The following EVPL variants were observed in gnomAD, a reference collection of about 807,000 sequenced individuals.
The protein encoded by EVPL is envoplakin.
A neutral mutation model predicts 129.7 loss-of-function variants in EVPL; 94 were observed. The ratio of observed to expected loss-of-function variants is 0.72; its 90% CI spans 0.61 to 0.86. The LOEUF is 0.86. Ranked by LOEUF, EVPL falls within the 40% of genes least tolerant of loss-of-function variation. EVPL has a pLI of 0.00. For synonymous variants in EVPL, 1,172 were observed against 1,191.1 expected (o/e 0.98, Z 0.33); for missense variants, 2,625 against 2,721.1 (o/e 0.96, Z 0.79).
In EVPL at chr17:76,023,403, G is replaced by T; in HGVS notation, c.369C>A (p.His123Gln). 6.2e-7 allele frequency: 1 copy of T among 1,613,752 alleles called. No individual in the cohort carries two copies. The highest frequency in any genetic ancestry group is 8.5e-7 in the Non-Finnish European group (1 of 1,179,980). ...CCGCACACTCCTGGGTCACCCGCTC[G>T]TGCAGCTGCTTGATGCTGTCAAGAA... The part of the protein sequence containing the change: ...EEIEKDIKQL[H>Q]ERVTQECAEY... Residue 123 changes from histidine (H) to glutamine (Q), a missense_variant, in exon 4 of 22, where the codon CAC becomes CAA. His to Gln is a conservative substitution (Grantham distance 24). Coordinates refer to ENST00000301607, the MANE Select transcript of EVPL (RefSeq NM_001988.4).
chr17:76,024,658 C>T lies in EVPL; in HGVS notation c.99-538G>A, dbSNP rs1443837459. Reference sequence around the variant, plus strand: ...CTTCAGTAGCCATCTAGAGGAGCCTCACACTGTCGGAGCCGGGGAGGTGGG... The same window carrying T: ...CTTCAGTAGCCATCTAGAGGAGCCTTACACTGTCGGAGCCGGGGAGGTGGG... On this transcript the variant is annotated intron_variant, in intron 1 of 21. Transcript: ENST00000301607. This position sits in a 1 kb window ranked among gnomAD's most constrained non-coding sequence, Gnocchi z 4.5. Among the ~76,000 whole-genome samples the T allele has an allele frequency of 6.6e-6, 1 of 152,132 alleles. No individual in the cohort carries two copies. Among genetic ancestry groups the T allele is most frequent in the Non-Finnish European group, 1.5e-5 (1 of 68,012 alleles).
In EVPL at chr17:76,013,812, G is replaced by A. The variant is rs1312341718; in HGVS notation, c.2373+614C>T. 6.6e-6 allele frequency among the ~76,000 whole-genome samples: 1 copy of A among 152,076 alleles called. No homozygotes were observed. Among genetic ancestry groups the A allele is most frequent in the Non-Finnish European group, 1.5e-5 (1 of 68,010 alleles). On this transcript the variant is annotated intron_variant, in intron 18 of 21. Coordinates refer to ENST00000301607, the MANE Select transcript of EVPL (RefSeq NM_001988.4). The surrounding 1 kb of genome is among the most constrained non-coding windows in gnomAD (Gnocchi z 4.3). ...CAGCCAGAGCCAGCTTCTAAACACT[G>A]GCCTGGAAGCATCCCCTCCCCAGCA... is the stretch of plus-strand genomic sequence containing the variant.
At chr17:76,019,179 C>T in intron 10 of EVPL, 119 bp from the exon 11 acceptor site, 1 of 1,148,246 alleles carries the variant, frequency 8.7e-7, no homozygotes, top group South Asian at 1.9e-5. Context: ...GTCTCTAAGT[C>T]AGCAAAGTAA....
At chr17:76,016,316 G>A (rs2066418820) in intron 14 of EVPL, among the ~76,000 whole-genome samples, 2 of 152,190 alleles carry the variant, frequency 1.3e-5, no homozygotes, top group African/African-American at 2.4e-5. Flanking sequence ...CCAAAGCCCT[G>A]GCTCTGCCCA....
In EVPL at chr17:76,021,931, C is replaced by T. The variant is rs1225213871; in HGVS notation, c.743G>A (p.Arg248His). The change falls in exon 7 of 22, where the codon CGC becomes CAC. Residue 248 changes from arginine (R) to histidine (H), a missense_variant. Physicochemically the swap from Arg to His is conservative, Grantham distance 29 (BLOSUM62 0). Transcript: ENST00000301607. ...GTCGCTCCAGTCCTGCTGCAGGATG[C>T]GGCGCTGCTGCTCAGCCAGGGCGCT... ...QLSALAEQQRRILQQDWSDLM... is the reference protein window; with the variant it reads ...QLSALAEQQRHILQQDWSDLM... The T allele has an allele frequency of 3.2e-6, 5 of 1,557,398 alleles. No homozygotes were observed. Among genetic ancestry groups the T allele is most frequent in the East Asian group, 4.8e-5 (2 of 42,072 alleles).
At position 76,015,361 on chromosome 17, in the gene EVPL, T is replaced by C. The variant is rs1567911792; in HGVS notation, c.1894A>G (p.Lys632Glu). Residue 632 changes from lysine (K) to glutamate (E), a missense_variant, in exon 16 of 22, where the codon AAG becomes GAG. Coordinates refer to ENST00000301607, the MANE Select transcript of EVPL (RefSeq NM_001988.4). ...TGCCGCTCCAGATCCAGGGCAGCCTTGGCTCTGCCGCAGAGGAGGCAAGGC... is the reference window on the plus strand; with the variant it reads ...TGCCGCTCCAGATCCAGGGCAGCCTCGGCTCTGCCGCAGAGGAGGCAAGGC... ...VLCSLYGEKA[K>E]AALDLERQIQ... is the part of the protein sequence containing the mutation. The C allele has an allele frequency of 1.9e-6, 3 of 1,604,034 alleles. No homozygotes were observed. The highest frequency in any genetic ancestry group is 1.7e-5 in the Admixed American group (1 of 59,554).
Position 76,009,446 on chromosome 17 carries a change from C to G in EVPL, c.3759G>C (p.Val1253=). 3 of 1,614,158 alleles carry G rather than the reference C, an allele frequency of 1.9e-6. No individual in the cohort carries two copies. Among genetic ancestry groups the G allele is most frequent in the Non-Finnish European group, 2.5e-6 (3 of 1,180,022 alleles). ...TCTCATGCCTCACCACCTCCTGGGT[C>G]ACCTCCTTGTACTCCACCGTGGGCT... The part of the protein sequence containing the change: ...AQKPTVEYKE[V]TQEVVRHERS... The change falls in exon 22 of 22, where the codon GTG becomes GTC. Residue 1253 remains valine, a synonymous_variant. Coordinates refer to ENST00000301607, the MANE Select transcript of EVPL (RefSeq NM_001988.4). This position sits in a 1 kb window ranked among gnomAD's most constrained non-coding sequence, Gnocchi z 5.9.
At chr17:76,012,355 G>A in intron 18 of EVPL, 1 of 396,672 alleles carries the variant, frequency 2.5e-6, no homozygotes, top group African/African-American at 2.1e-5. Flanking sequence ...CACCCAGGTT[G>A]GAGTGCGTGA....
At position 76,008,629 on chromosome 17, in the gene EVPL, C is replaced by G. The variant is rs201429207; in HGVS notation, c.4576G>C (p.Val1526Leu). ...TCTTCCAGGACGCGGTCCTTCTGCA[C>G]CCGGATCACTTCCTTGTAGATGGTC... Reference protein sequence around the residue: ...EKTIYKEVIRVQKDRVLEDER... With the variant: ...EKTIYKEVIRLQKDRVLEDER... Residue 1526 changes from valine to leucine, a missense_variant, in exon 22 of 22, where the codon GTG becomes CTG. Val to Leu is a conservative substitution (Grantham distance 32). Coordinates refer to ENST00000301607, the MANE Select transcript of EVPL (RefSeq NM_001988.4). The surrounding 1 kb of genome is among the most constrained non-coding windows in gnomAD (Gnocchi z 7.4). The G allele has an allele frequency of 1.6e-5, 26 of 1,612,154 alleles. No homozygotes were observed. The highest frequency in any genetic ancestry group is 2.1e-5 in the Non-Finnish European group (25 of 1,180,014).
At chr17:76,011,916 C>G (rs1441016121) in intron 19 of EVPL, 34 bp from the exon 20 acceptor site, 1 of 1,608,522 alleles carries the variant, frequency 6.2e-7, no homozygotes, top group Admixed American at 1.7e-5. Context: ...AGGCTGGCAA[C>G]CAGTGGGGGA....
rs780389194 is a variant in EVPL, at chr17:76,017,917, G to A, written c.1538-6C>T. 1 of 1,613,760 alleles carries A rather than the reference G, an allele frequency of 6.2e-7. No homozygotes were observed. Among genetic ancestry groups the A allele is most frequent in the African/African-American group, 1.3e-5 (1 of 74,948 alleles). ...CAGGTCTGAGCCAGATGGAGCTGGG[G>A]GCAGAGGTGCTGGTGAGGGCCCAGG... On this transcript the variant is annotated splice_polypyrimidine_tract_variant and splice_region_variant and intron_variant, in intron 13 of 21. Coordinates refer to ENST00000301607, the MANE Select transcript of EVPL (RefSeq NM_001988.4).
In EVPL at chr17:76,007,691, CTTG is replaced by C. The variant is rs778875284; in HGVS notation, c.5511_5513del (p.Asn1837del). ...TGGCCACGGCCGTCTTGATGCTGCA[CTTG>C]TTGTCTGTGGTTGTGTCATAGATCC... On this transcript the variant is annotated inframe_deletion, in exon 22 of 22. Coordinates refer to ENST00000301607, the MANE Select transcript of EVPL (RefSeq NM_001988.4). The surrounding 1 kb of genome is among the most constrained non-coding windows in gnomAD (Gnocchi z 8.8). 9 of 1,613,726 alleles carry C rather than the reference CTTG, an allele frequency of 5.6e-6. No individual in the cohort carries two copies. Among genetic ancestry groups the C allele is most frequent in the South Asian group, 4.4e-5 (4 of 91,080 alleles).
Position 76,008,876 on chromosome 17 carries a change from G to A in EVPL, c.4329C>T (p.Thr1443=). ...LAVERELRQL[T]LRIQELEKRP... ...GCTTCTCGAGCTCCTGGATCCTCAA[G>A]GTCAGCTGCCGCAGCTCCCTCTCCA... The change falls in exon 22 of 22, where the codon ACC becomes ACT. Residue 1443 remains threonine, a synonymous_variant. Coordinates refer to ENST00000301607, the MANE Select transcript of EVPL (RefSeq NM_001988.4). This position sits in a 1 kb window ranked among gnomAD's most constrained non-coding sequence, Gnocchi z 7.4. The A allele has an allele frequency of 2.5e-6, 4 of 1,613,834 alleles. No homozygotes were observed. Among genetic ancestry groups the A allele is most frequent in the Non-Finnish European group, 3.4e-6 (4 of 1,179,998 alleles).
chr17:76,015,353 G>A lies in EVPL; in HGVS notation c.1902C>T (p.Ala634=). The A allele has an allele frequency of 6.2e-7, 1 of 1,604,182 alleles. No individual in the cohort carries two copies. Among genetic ancestry groups the A allele is most frequent in the Non-Finnish European group, 8.5e-7 (1 of 1,178,590 alleles). The part of the protein sequence containing the change: ...CSLYGEKAKA[A]LDLERQIQDA... Reference sequence around the variant, plus strand: ...CCTGGATCTGCCGCTCCAGATCCAGGGCAGCCTTGGCTCTGCCGCAGAGGA... The same window carrying A: ...CCTGGATCTGCCGCTCCAGATCCAGAGCAGCCTTGGCTCTGCCGCAGAGGA... Residue 634 remains alanine (A), a synonymous_variant, in exon 16 of 22, where the codon GCC becomes GCT. Transcript: ENST00000301607.
In EVPL at chr17:76,024,291, G is replaced by C. The variant is rs886623420; in HGVS notation, c.99-171C>G. Among the ~76,000 whole-genome samples the C allele has an allele frequency of 1.3e-5, 2 of 152,206 alleles. No homozygotes were observed. Among genetic ancestry groups the C allele is most frequent in the Non-Finnish European group, 2.9e-5 (2 of 68,038 alleles). ...GGCTCTGTGAGCTAGTCCTGGTTGG[G>C]GGTGTTAGCACTGCCCCGCCACATG... On this transcript the variant is annotated intron_variant, in intron 1 of 21. Coordinates refer to ENST00000301607, the MANE Select transcript of EVPL (RefSeq NM_001988.4). The surrounding 1 kb of genome is among the most constrained non-coding windows in gnomAD (Gnocchi z 4.5).
chr17:76,021,399 G>A, intron 9 of EVPL, 69 bp downstream of exon 9: 2 of 1,432,930 alleles, frequency 1.4e-6, no homozygotes, highest in South Asian at 2.5e-5. Context: ...CTGTGGGCAG[G>A]GGTGCTGTGC....
At position 76,007,700 on chromosome 17, in the gene EVPL, T is replaced by G; in HGVS notation, c.5505A>C (p.Thr1835=). 1 of 1,613,478 alleles carries G rather than the reference T, an allele frequency of 6.2e-7. No homozygotes were observed. Among genetic ancestry groups the G allele is most frequent in the Non-Finnish European group, 8.5e-7 (1 of 1,179,632 alleles). Residue 1835 remains threonine (T), a synonymous_variant, in exon 22 of 22, where the codon ACA becomes ACC. Transcript: ENST00000301607. The surrounding 1 kb of genome is among the most constrained non-coding windows in gnomAD (Gnocchi z 8.8). ...FPIAGIYDTT[T]DNKCSIKTAV... The stretch of plus-strand genomic sequence containing the variant: ...CCGTCTTGATGCTGCACTTGTTGTC[T>G]GTGGTTGTGTCATAGATCCCGGCGA...
At chr17:76,018,639 G>A (rs2066435726) in intron 11 of EVPL, 39 bp from the exon 12 acceptor site, 2 of 1,564,178 alleles carry the variant, frequency 1.3e-6, no homozygotes, top group African/African-American at 1.4e-5. Context: ...GAGGGCTCAG[G>A]GGCAGGGGGC....
intron 1 of EVPL, among the ~76,000 whole-genome samples, chr17:76,025,409 C>T (rs2066491798): frequency 1.3e-5 from 2 of 152,152 alleles, no homozygotes; most frequent in African/African-American, 2.4e-5. Flanking sequence ...ACGAGTGGAT[C>T]GCACGTGAGG....
Sources: gnomAD v4.1 joint callset for allele counts (sites outside exome capture counted in the v4.1 genomes callset) on GRCh38, gnomAD v4.1.1 for gene constraint, Gnocchi (gnomAD v3.1) non-coding constraint, MANE v1.5 for transcripts, NCBI Gene and HGNC (gene_info 2026-07-23, HGNC 2026-07-21) for gene names.